The following REEP5 variants were observed in gnomAD, a reference collection of about 807,000 sequenced individuals.
REEP5 encodes the protein receptor expression-enhancing protein 5.
Under a neutral mutation model 22.4 loss-of-function variants are expected in REEP5, and 24 were observed. The observed-to-expected ratio is 1.07, with a 90% confidence interval of 0.78 to 1.51. The LOEUF (loss-of-function observed/expected upper bound fraction) is 1.51, where lower values mean the gene tolerates loss of function less well. Ranked by LOEUF, REEP5 falls within the 40% of genes most tolerant of loss-of-function variation. The pLI is 0.00. For synonymous variants in REEP5, 103 were observed against 88.6 expected, an observed-to-expected ratio of 1.16 and a Z score of -0.92; for missense variants, 252 against 233.0, an observed-to-expected ratio of 1.08 and a Z score of -0.53.
At chr5:112,882,259 C>A (rs1358720320) in intron 4 of REEP5, among the ~76,000 whole-genome samples, 1 of 152,070 alleles carries the variant, frequency 6.6e-6, no homozygotes, top group Non-Finnish European at 1.5e-5. Context: ...TATCAAGCAT[C>A]CCACTCAGCC....
rs76817694 is a variant in REEP5, at chr5:112,888,559, G to A, written c.352-1376C>T. On this transcript the variant is annotated intron_variant, in intron 3 of 4. Coordinates refer to ENST00000379638, the MANE Select transcript of REEP5 (RefSeq NM_005669.5). The stretch of plus-strand genomic sequence containing the variant: ...CACAGCCTCCCAAGTAGCTGGGAAT[G>A]ACTGCAGGCATGAACCACCAGGCCT... Among the ~76,000 whole-genome samples, 987 of 142,280 alleles carry A rather than the reference G, an allele frequency of 6.9e-3. 33 individuals are homozygous for A. In the East Asian group the frequency reaches 0.13, roughly 19 times the overall value. 93.3% of individuals were successfully genotyped at this position (142,280 alleles called of 152,430 possible). A position where few individuals can be genotyped will look rare whatever the true frequency, so the allele number is the denominator to read the frequency against.
At chr5:112,914,189 C>T (rs907129838) in intron 2 of REEP5, among the ~76,000 whole-genome samples, 2 of 151,594 alleles carry the variant, frequency 1.3e-5, no homozygotes, top group African/African-American at 4.8e-5. Context: ...GTGGCGCAAT[C>T]TCGGCTCATT....
chr5:112,888,383 A>G (rs979524997), intron 3 of REEP5, among the ~76,000 whole-genome samples: 4 of 152,240 alleles, frequency 2.6e-5, no homozygotes, highest in Admixed American at 6.5e-5. Context: ...TTGAACTTGT[A>G]TAACACTCAA....
chr5:112,897,131 A>G (rs1235702881), intron 3 of REEP5: 1 of 152,182 alleles, frequency 6.6e-6, no homozygotes, highest in African/African-American at 2.4e-5. Flanking sequence ...ATACTGTGTT[A>G]ATTGAAAAAA....
intron 4 of REEP5, among the ~76,000 whole-genome samples, chr5:112,884,127 A>C (rs1768159312): frequency 6.6e-6 from 1 of 152,186 alleles, no homozygotes; most frequent in Non-Finnish European, 1.5e-5. Context: ...TCTTATTAAA[A>C]CACAGGACAG....
At chr5:112,917,205 T>C (rs927266773) in intron 2 of REEP5, among the ~76,000 whole-genome samples, 1 of 152,248 alleles carries the variant, frequency 6.6e-6, no homozygotes, top group African/African-American at 2.4e-5. Context: ...ATGTGGGCCA[T>C]CATGCCCCGC....
chr5:112,904,352 A>G (rs989316377), intron 2 of REEP5, among the ~76,000 whole-genome samples: 4 of 152,146 alleles, frequency 2.6e-5, no homozygotes, highest in African/African-American at 9.7e-5. Flanking sequence ...TTCATTTGGT[A>G]TAGTATGGCT....
chr5:112,912,797 T>C (rs943214333), intron 2 of REEP5, among the ~76,000 whole-genome samples: 14 of 152,280 alleles, frequency 9.2e-5, no homozygotes, highest in African/African-American at 2.9e-4. Context: ...TTTCCTATTA[T>C]CAGTACCTCA....
Position 112,921,214 on chromosome 5 carries a change from C to T in REEP5, c.161G>A (p.Gly54Glu), listed in dbSNP as rs774086210. ...TATCAGGTTGCAGAGGAGAGAGGCT[C>T]CATAACCGAACACCAGGTACAAGGC... ...LVALYLVFGY[G>E]ASLLCNLIGF... The change falls in exon 2 of 5, where the codon GGA becomes GAA. Residue 54 changes from glycine to glutamate, a missense_variant. Gly to Glu is a moderately conservative substitution (Grantham distance 98, BLOSUM62 -2). Coordinates refer to ENST00000379638, the MANE Select transcript of REEP5 (RefSeq NM_005669.5). 8.7e-6 allele frequency: 14 copies of T among 1,614,124 alleles called. No homozygotes were observed. Among genetic ancestry groups the T allele is most frequent in the Non-Finnish European group, 1.2e-5 (14 of 1,180,032 alleles).
chr5:112,918,288 C>A (rs530734547), intron 2 of REEP5, among the ~76,000 whole-genome samples: 6 of 152,118 alleles, frequency 3.9e-5, no homozygotes, highest in African/African-American at 1.4e-4. Context: ...ACTGGTTGCT[C>A]CCCAGTGAGC....
intron 3 of REEP5, 64 bp downstream of exon 3, chr5:112,902,316 T>C: frequency 6.8e-7 from 1 of 1,476,748 alleles, no homozygotes; most frequent in East Asian, 2.4e-5. Context: ...CATTCAAGCA[T>C]TTATTCCTAC....
At chr5:112,888,260 A>G (rs1181395783) in intron 3 of REEP5, among the ~76,000 whole-genome samples, 1 of 152,254 alleles carries the variant, frequency 6.6e-6, no homozygotes, top group East Asian at 1.9e-4. Context: ...CAGGTGTTTT[A>G]GAGATACAAA....
rs1767895986 is a variant in REEP5 at position 112,876,399 on chromosome 5, A to AATT, written c.*2384_*2386dup. 1 of 152,212 alleles carries AATT rather than the reference A, an allele frequency of 6.6e-6. No homozygotes were observed. Among genetic ancestry groups the AATT allele is most frequent in the Non-Finnish European group, 1.5e-5 (1 of 68,028 alleles). 9.4% of individuals were successfully genotyped at this position (152,212 alleles called of 1,614,324 possible). A position where few individuals can be genotyped will look rare whatever the true frequency, so the allele number is the denominator to read the frequency against. On this transcript the variant is annotated 3_prime_UTR_variant, in exon 5 of 5. Transcript: ENST00000379638. ...AAATATAACAGTTAAATGAGAACTC[A>AATT]ATTTTATTTACATCTATTTATTTCC...
chr5:112,914,141 C>CA (rs1052728177), intron 2 of REEP5, among the ~76,000 whole-genome samples: 20 of 150,032 alleles, frequency 1.3e-4, no homozygotes, highest in Admixed American at 3.3e-4. Context: ...GACCCTGTCT[C>CA]AAAAAAAACA....
chr5:112,899,964 G>C (rs780454321), intron 3 of REEP5, among the ~76,000 whole-genome samples: 1 of 152,140 alleles, frequency 6.6e-6, no homozygotes, highest in Non-Finnish European at 1.5e-5. Flanking sequence ...AAAGCATTTA[G>C]GATTTCCAAT....
At chr5:112,904,713 T>C (rs1419668017) in intron 2 of REEP5, among the ~76,000 whole-genome samples, 1 of 152,222 alleles carries the variant, frequency 6.6e-6, no homozygotes, top group African/African-American at 2.4e-5. Context: ...TAAATAGATA[T>C]TTCCTGAAAC....
chr5:112,903,219 G>T (rs554611627), intron 2 of REEP5, among the ~76,000 whole-genome samples: 1 of 152,118 alleles, frequency 6.6e-6, no homozygotes, highest in African/African-American at 2.4e-5. Flanking sequence ...TCAGTCCTAG[G>T]AATCTCATTA....
Position 112,902,511 on chromosome 5 carries a change from C to A in REEP5, c.220G>T (p.Ala74Ser). 1 of 1,585,450 alleles carries A rather than the reference C, an allele frequency of 6.3e-7. No homozygotes were observed. Among genetic ancestry groups the A allele is most frequent in the Admixed American group, 1.9e-5 (1 of 51,500 alleles). The change falls in exon 3 of 5, where the codon GCT becomes TCT. Residue 74 changes from alanine (A) to serine (S), a missense_variant. By Grantham distance (99) the Ala-to-Ser change is moderately conservative (BLOSUM62 1). Transcript: ENST00000379638. ...TCTTCTTTGTTGGGACTCTCTATAG[C>A]TTTAATTCTGAAAGGCAGTACAAAA... The part of the protein sequence containing the change: ...FGYPAYISIK[A>S]IESPNKEDDT...
chr5:112,898,272 G>A (rs947352207), intron 3 of REEP5: 2 of 152,172 alleles, frequency 1.3e-5, no homozygotes, highest in Admixed American at 6.5e-5. Flanking sequence ...CACTAATGTA[G>A]GAAGAAAGTA....
Sources: gnomAD v4.1 joint callset for allele counts (sites outside exome capture counted in the v4.1 genomes callset) on GRCh38, gnomAD v4.1.1 for gene constraint, MANE v1.5 for transcripts, NCBI Gene and HGNC (gene_info 2026-07-23, HGNC 2026-07-21) for gene names.